GALNT13: variants seen among roughly 807,000 people sequenced by gnomAD.
The protein encoded by GALNT13 is polypeptide N-acetylgalactosaminyltransferase 13, also known as UDP-GalNAc:polypeptide N-acetylgalactosaminyltransferase 13.
GALNT13 carries 28 observed loss-of-function variants against 64.2 expected under a neutral mutation model. That is an observed-to-expected ratio of 0.44 (90% CI 0.32 to 0.60). GALNT13 has a LOEUF of 0.60. Ranked by LOEUF, GALNT13 falls within the 20% of genes least tolerant of loss-of-function variation. The pLI is 0.05. For synonymous variants in GALNT13, 214 were observed against 224.6 expected, an observed-to-expected ratio of 0.95 and a Z score of 0.42; for missense variants, 577 against 669.8, an observed-to-expected ratio of 0.86 and a Z score of 1.53.
the GALNT13 span, chr2:153,762,152 A>C: frequency 1.3e-5 from 2 of 152,172 alleles, no homozygotes; most frequent in East Asian, 3.9e-4. Flanking sequence ...CCCAGGCCCT[A>C]TTGCATGAAT....
chr2:153,251,702 T>A, the GALNT13 span, among the ~76,000 whole-genome samples: 2 of 147,220 alleles, frequency 1.4e-5, no homozygotes, highest in East Asian at 4.1e-4. Context: ...TTCCCACGTA[T>A]GAGTGAGAAT....
chr2:153,835,605 T>C, the GALNT13 span, among the ~76,000 whole-genome samples: 1 of 152,062 alleles, frequency 6.6e-6, no homozygotes, highest in Non-Finnish European at 1.5e-5. Context: ...TAAATTGAAA[T>C]TAATAAACTT....
intron 2 of GALNT13, among the ~76,000 whole-genome samples, chr2:153,902,664 G>T (rs1439200355): frequency 6.6e-6 from 1 of 152,100 alleles, no homozygotes; most frequent in African/African-American, 2.4e-5. Context: ...TGGACTGGCA[G>T]GGGTTGGAGC....
the GALNT13 span, among the ~76,000 whole-genome samples, chr2:153,693,763 T>C: frequency 6.6e-6 from 1 of 151,990 alleles, no homozygotes; most frequent in Non-Finnish European, 1.5e-5. Flanking sequence ...AGAAGGGAGT[T>C]TGGGGGAAAG....
the GALNT13 span, among the ~76,000 whole-genome samples, chr2:153,425,049 T>C: frequency 6.6e-6 from 1 of 151,824 alleles, no homozygotes; most frequent in Admixed American, 6.6e-5. Context: ...TGTAAAATTT[T>C]ATACATGAAA....
intron 11 of GALNT13, among the ~76,000 whole-genome samples, chr2:154,418,327 C>A (rs1352498758): frequency 1.3e-5 from 2 of 151,958 alleles, no homozygotes; most frequent in Non-Finnish European, 2.9e-5. Flanking sequence ...ACCCCTGGAG[C>A]CTGTGTTTTA....
the GALNT13 span, among the ~76,000 whole-genome samples, chr2:153,403,728 A>G: frequency 6.6e-5 from 10 of 152,162 alleles, no homozygotes; most frequent in African/African-American, 9.6e-5. Context: ...TGACTCGGAA[A>G]GGGAACTCCC....
At chr2:153,849,829 T>C in the GALNT13 span, among the ~76,000 whole-genome samples, 15 of 151,964 alleles carry the variant, frequency 9.9e-5, no homozygotes, top group Non-Finnish European at 4.4e-5. Context: ...CGTATGAGCA[T>C]ATGTGGCTAA....
the GALNT13 span, among the ~76,000 whole-genome samples, chr2:153,611,878 C>G: frequency 6.6e-6 from 1 of 151,246 alleles, no homozygotes; most frequent in Admixed American, 6.6e-5. Flanking sequence ...CCCAACAGTC[C>G]CTGATGTGTG....
intron 4 of GALNT13, among the ~76,000 whole-genome samples, chr2:154,201,432 A>C (rs1687162658): frequency 6.6e-6 from 1 of 152,118 alleles, no homozygotes; most frequent in Non-Finnish European, 1.5e-5. Flanking sequence ...ATGGCATTGA[A>C]TACTGTCTTA....
At chr2:153,166,131 C>A in the GALNT13 span, among the ~76,000 whole-genome samples, 1 of 152,136 alleles carries the variant, frequency 6.6e-6, no homozygotes, top group Admixed American at 6.5e-5. Context: ...TCATTTCCTA[C>A]CCCACCACCT....
chr2:153,761,925 A>T, the GALNT13 span: 2 of 180,804 alleles, frequency 1.1e-5, no homozygotes, highest in African/African-American at 4.7e-5. Flanking sequence ...ACTCAATGAT[A>T]ATATCTCCTG....
the GALNT13 span, among the ~76,000 whole-genome samples, chr2:153,770,350 T>G: frequency 6.6e-6 from 1 of 152,216 alleles, no homozygotes; most frequent in African/African-American, 2.4e-5. Flanking sequence ...AGTCTGTTTT[T>G]AAGTTCCTTG....
At chr2:153,508,308 C>A in the GALNT13 span, among the ~76,000 whole-genome samples, 1 of 152,120 alleles carries the variant, frequency 6.6e-6, no homozygotes, top group Non-Finnish European at 1.5e-5. Context: ...GCAACTAGGG[C>A]AGATAGAAAA....
chr2:154,000,113 T>A (rs1213108131), intron 3 of GALNT13, among the ~76,000 whole-genome samples: 1 of 152,010 alleles, frequency 6.6e-6, no homozygotes, highest in East Asian at 1.9e-4. Flanking sequence ...ATTTTCCAAT[T>A]CGTTGGTATA....
chr2:154,265,513 A>G (rs113214497), intron 8 of GALNT13, among the ~76,000 whole-genome samples: 44 of 152,212 alleles, frequency 2.9e-4, no homozygotes, highest in Middle Eastern at 3.4e-3. Context: ...AGCCTAGCCA[A>G]CATGATGAAA....
chr2:153,223,084 A>G, the GALNT13 span, among the ~76,000 whole-genome samples: 1 of 152,232 alleles, frequency 6.6e-6, no homozygotes, highest in Non-Finnish European at 1.5e-5. Context: ...CGCTGCCGTC[A>G]TTTAAATGAT....
At chr2:153,135,643 T>C in the GALNT13 span, among the ~76,000 whole-genome samples, 2 of 152,052 alleles carry the variant, frequency 1.3e-5, no homozygotes, top group African/African-American at 4.8e-5. Flanking sequence ...CTTTCAAAGG[T>C]AATTTTATGT....
chr2:153,660,473 G>T, the GALNT13 span, among the ~76,000 whole-genome samples: 1 of 151,690 alleles, frequency 6.6e-6, no homozygotes, highest in South Asian at 2.1e-4. Context: ...TGTATTGAAA[G>T]ATTACTTTGG....
Sources: gnomAD v4.1 joint callset for allele counts (sites outside exome capture counted in the v4.1 genomes callset) on GRCh38, gnomAD v4.1.1 for gene constraint, MANE v1.5 for transcripts, NCBI Gene and HGNC (gene_info 2026-07-23, HGNC 2026-07-21) for gene names.